PLCL1: variants seen among roughly 807,000 people sequenced by gnomAD.
PLCL1 encodes the protein phospholipase C like 1 (inactive).
In PLCL1, 41 loss-of-function variants were observed where a neutral mutation model predicts 84.4. The observed-to-expected ratio is 0.49, with a 90% CI of 0.38 to 0.63. The LOEUF (loss-of-function observed/expected upper bound fraction) is 0.63. PLCL1 is among the 30% of genes least tolerant of loss of function. The pLI is 0.00. For missense variants in PLCL1, 1,206 were observed against 1,367.8 expected (o/e 0.88, Z 1.87); for synonymous variants, 490 against 488.3 (o/e 1.00, Z -0.05).
intron 4 of PLCL1, among the ~76,000 whole-genome samples, chr2:198,103,297 AT>A (rs1382285306): frequency 6.6e-6 from 1 of 151,866 alleles, no homozygotes; most frequent in African/African-American, 2.4e-5. Context: ...TTAATTTTTA[AT>A]TTTTGTGGGT....
In PLCL1 at chr2:197,982,947, T is replaced by C. The variant is rs184156891; in HGVS notation, c.241-100811T>C. Among the ~76,000 whole-genome samples the C allele has an allele frequency of 2.5e-3, 379 of 152,296 alleles. 3 individuals carry two copies. Among genetic ancestry groups the C allele is most frequent in the Middle Eastern group, 6.8e-3 (2 of 294 alleles). On this transcript the variant is annotated intron_variant, in intron 1 of 5. Transcript: ENST00000428675. ...TAACATTTAAATTTATATATTTTTCTTAGCTAAATGTTTGTTTGCTTAATT... is the reference window on the plus strand; with the variant it reads ...TAACATTTAAATTTATATATTTTTCCTAGCTAAATGTTTGTTTGCTTAATT...
intron 1 of PLCL1, among the ~76,000 whole-genome samples, chr2:198,026,543 T>C (rs576365871): frequency 4.7e-4 from 72 of 152,296 alleles, no homozygotes; most frequent in African/African-American, 1.6e-3. Flanking sequence ...TTCTAGATTG[T>C]AAATTGTTAA....
intron 1 of PLCL1, among the ~76,000 whole-genome samples, chr2:197,872,886 T>C (rs1471479505): frequency 6.6e-6 from 1 of 152,150 alleles, no homozygotes; most frequent in Non-Finnish European, 1.5e-5. Context: ...ATTAGGCTCT[T>C]AGTAGGCATT....
chr2:197,873,034 G>A (rs1031263545), intron 1 of PLCL1, among the ~76,000 whole-genome samples: 3 of 152,078 alleles, frequency 2.0e-5, no homozygotes, highest in South Asian at 2.1e-4. Context: ...GTTTGTCAGC[G>A]TTAACAAGGG....
intron 1 of PLCL1, among the ~76,000 whole-genome samples, chr2:197,897,191 C>CTCCTTCTTCTCCTT (rs1688165568): frequency 5.3e-4 from 17 of 32,230 alleles, no homozygotes; most frequent in South Asian, 1.1e-3. Context: ...TTCTTCTTCT[C>CTCCTTCTTCTCCTT]CTTCTCCTTC....
intron 1 of PLCL1, among the ~76,000 whole-genome samples, chr2:198,003,917 A>G (rs1403720331): frequency 6.6e-6 from 1 of 152,200 alleles, no homozygotes; most frequent in East Asian, 1.9e-4. Flanking sequence ...TAGAGAATCC[A>G]TTAGAAGGAA....
chr2:198,010,937 T>A (rs917713029), intron 1 of PLCL1, among the ~76,000 whole-genome samples: 1 of 151,828 alleles, frequency 6.6e-6, no homozygotes, highest in Admixed American at 6.6e-5. Context: ...CATAGTAGTA[T>A]ATTTTTTATT....
chr2:198,054,558 T>C (rs1341425655), intron 1 of PLCL1, among the ~76,000 whole-genome samples: 1 of 152,216 alleles, frequency 6.6e-6, no homozygotes, highest in East Asian at 1.9e-4. Flanking sequence ...GTAACTTTTT[T>C]GGGAGTAGAA....
chr2:197,980,069 A>G (rs1455605294), intron 1 of PLCL1, among the ~76,000 whole-genome samples: 1 of 152,212 alleles, frequency 6.6e-6, no homozygotes, highest in African/African-American at 2.4e-5. Flanking sequence ...TCCATGCATT[A>G]GAACAAACTC....
intron 1 of PLCL1, among the ~76,000 whole-genome samples, chr2:197,935,837 A>G (rs1689042085): frequency 6.6e-6 from 1 of 152,216 alleles, no homozygotes; most frequent in Admixed American, 6.5e-5. Flanking sequence ...ACCATGCTAT[A>G]CAATAGATCT....
chr2:197,958,904 G>A (rs1395503063), intron 1 of PLCL1, among the ~76,000 whole-genome samples: 4 of 111,242 alleles, frequency 3.6e-5, no homozygotes, highest in Non-Finnish European at 7.8e-5. Context: ...CTGTGCTCTT[G>A]TGCACTAATC....
intron 1 of PLCL1, among the ~76,000 whole-genome samples, chr2:197,901,194 A>G (rs1204735186): frequency 6.6e-6 from 1 of 152,234 alleles, no homozygotes; most frequent in Non-Finnish European, 1.5e-5. Flanking sequence ...GAATCAGTAT[A>G]TGAGGAGACT....
At chr2:198,113,167 T>C (rs921313463) in intron 5 of PLCL1, among the ~76,000 whole-genome samples, 2 of 151,888 alleles carry the variant, frequency 1.3e-5, no homozygotes, top group Non-Finnish European at 2.9e-5. Flanking sequence ...GGCTAATTAG[T>C]GCAAAATAAA....
chr2:197,909,407 A>T (rs1688442967), intron 1 of PLCL1, among the ~76,000 whole-genome samples: 1 of 152,008 alleles, frequency 6.6e-6, no homozygotes, highest in African/African-American at 2.4e-5. Context: ...ACTTGCTCCA[A>T]CATAGAGGAC....
At chr2:198,093,084 G>A (rs113387490) in intron 3 of PLCL1, among the ~76,000 whole-genome samples, 2 of 152,126 alleles carry the variant, frequency 1.3e-5, no homozygotes, top group Admixed American at 1.3e-4. Flanking sequence ...ACAGAGTAAG[G>A]CAAAACTATG....
chr2:197,968,297 C>G (rs990232321), intron 1 of PLCL1, among the ~76,000 whole-genome samples: 4 of 151,990 alleles, frequency 2.6e-5, no homozygotes, highest in Non-Finnish European at 5.9e-5. Flanking sequence ...CACATAAAAC[C>G]CAGGAACTAT....
intron 1 of PLCL1, among the ~76,000 whole-genome samples, chr2:197,903,636 A>G (rs1217460541): frequency 7.4e-6 from 1 of 134,674 alleles, no homozygotes; most frequent in Non-Finnish European, 1.6e-5. Flanking sequence ...GGTGCCCGCC[A>G]CCACGCCCAG....
At chr2:198,081,665 ATC>A (rs1692717311) in intron 1 of PLCL1, among the ~76,000 whole-genome samples, 1 of 152,250 alleles carries the variant, frequency 6.6e-6, no homozygotes, top group Admixed American at 6.5e-5. Context: ...GGTAATTTAT[ATC>A]ATTGTCACTT....
At chr2:198,130,399 G>A (rs1263504129) in intron 5 of PLCL1, among the ~76,000 whole-genome samples, 1 of 152,010 alleles carries the variant, frequency 6.6e-6, no homozygotes, top group Non-Finnish European at 1.5e-5. Context: ...TGTCCCTGGG[G>A]GACACAGTTC....
Sources: allele counts gnomAD v4.1 joint callset (sites outside exome capture counted in the v4.1 genomes callset), GRCh38; gene constraint gnomAD v4.1.1; transcripts MANE v1.5; gene names NCBI Gene and HGNC (gene_info 2026-07-23, HGNC 2026-07-21).